PCNX1: variants seen among roughly 807,000 people sequenced by gnomAD.
PCNX1 encodes pecanex-like protein 1.
PCNX1 carries 78 observed loss-of-function variants against 242.2 expected under a neutral mutation model. The ratio of observed to expected loss-of-function variants is 0.32; its 90% confidence interval spans 0.27 to 0.39. The LOEUF is 0.39. PCNX1 is among the 10% of genes least tolerant of loss of function. The pLI is 1.00. For missense variants in PCNX1, 2,581 were observed against 2,856.5 expected (o/e 0.90, Z 2.20); for synonymous variants, 1,024 against 1,032.9 (o/e 0.99, Z 0.17).
chr14:71,004,940 CTT>C (rs1256441578), intron 8 of PCNX1, among the ~76,000 whole-genome samples: 2 of 152,152 alleles, frequency 1.3e-5, no homozygotes, highest in East Asian at 1.9e-4. Flanking sequence ...ATATATCTCT[CTT>C]TGTTTTTATA....
chr14:70,912,044 G>A (rs1294027164), intron 1 of PCNX1, among the ~76,000 whole-genome samples: 1 of 152,022 alleles, frequency 6.6e-6, no homozygotes, highest in African/African-American at 2.4e-5. Context: ...GACCATCCTG[G>A]CTAACACGGT....
intron 4 of PCNX1, 37 bp from the exon 5 acceptor site, chr14:70,968,984 A>C: frequency 8.5e-7 from 1 of 1,171,410 alleles, no homozygotes; most frequent in Non-Finnish European, 1.3e-6. Flanking sequence ...CCTTACTGTT[A>C]ATATAAGGTC....
chr14:71,092,065 C>T (rs768722344), intron 30 of PCNX1, among the ~76,000 whole-genome samples: 4 of 152,066 alleles, frequency 2.6e-5, no homozygotes, highest in Admixed American at 6.6e-5. Flanking sequence ...AAGGGCCCCA[C>T]GAAACAGAGA....
chr14:70,979,883 A>T (rs2058786972), intron 6 of PCNX1, among the ~76,000 whole-genome samples: 1 of 151,980 alleles, frequency 6.6e-6, no homozygotes, highest in African/African-American at 2.4e-5. Flanking sequence ...AGAACTAATT[A>T]TATCTGAAGT....
chr14:71,013,236 G>C, intron 11 of PCNX1, 34 bp downstream of exon 11: 1 of 1,447,530 alleles, frequency 6.9e-7, no homozygotes, highest in Non-Finnish European at 9.7e-7. Flanking sequence ...TGATACGTGT[G>C]GATTTTATTT....
At position 71,033,396 on chromosome 14, in the gene PCNX1, G is replaced by A. The variant is rs775910887; in HGVS notation, c.3559-33G>A. 13 of 1,016,166 alleles carry A rather than the reference G, an allele frequency of 1.3e-5. No individual in the cohort carries two copies. In the Admixed American group the frequency reaches 2.2e-4, roughly 17 times the overall value. The allele number at this position is 1,016,166 out of a possible 1,614,324, so 62.9% of individuals were successfully genotyped here. A position where few individuals can be genotyped will look rare whatever the true frequency, so the allele number is the denominator to read the frequency against. The stretch of plus-strand genomic sequence containing the variant: ...TTATGTGATATATTACAAATTAGAA[G>A]CATATTATTCTGTTAAATTCATTTT... On this transcript the variant is annotated intron_variant, in intron 16 of 35. Transcript: ENST00000304743.
intron 1 of PCNX1, among the ~76,000 whole-genome samples, chr14:70,925,568 CTTTTTTTTT>C (rs71305848): frequency 2.8e-5 from 3 of 106,954 alleles, no homozygotes; most frequent in Non-Finnish European, 5.6e-5. Flanking sequence ...CTTACCTCAT[CTTTTTTTTT>C]TTTTTTTTTT....
chr14:71,023,353 T>C (rs1228696690), intron 13 of PCNX1, 121 bp downstream of exon 13: 2 of 709,736 alleles, frequency 2.8e-6, no homozygotes, highest in African/African-American at 3.5e-5. Context: ...AAATTTATGT[T>C]ATTATTTTCC....
intron 1 of PCNX1, among the ~76,000 whole-genome samples, chr14:70,920,777 G>A (rs996014503): frequency 6.6e-6 from 1 of 152,164 alleles, no homozygotes; most frequent in Non-Finnish European, 1.5e-5. Context: ...CTAATGCCTT[G>A]TGTGTCATAA....
At chr14:70,969,685 A>G (rs2058482788) in intron 5 of PCNX1, among the ~76,000 whole-genome samples, 1 of 152,142 alleles carries the variant, frequency 6.6e-6, no homozygotes. Context: ...AAAACTGAAA[A>G]GACCTTTACA....
chr14:71,102,005 C>T lies in PCNX1; in HGVS notation c.5605C>T (p.Pro1869Ser), dbSNP rs1298206954. Residue 1869 changes from proline to serine, a missense_variant, in exon 31 of 36, where the codon CCA becomes TCA. Coordinates refer to ENST00000304743, the MANE Select transcript of PCNX1 (RefSeq NM_014982.3). ...TTGTATTTAGGATCATTTTACTTCT[C>T]CAGATGAATATGATGACCCTACTGT... ...IKLHQDHFTS[P>S]DEYDDPTVLY... The T allele has an allele frequency of 6.3e-7, 1 of 1,585,912 alleles. No homozygotes were observed. The highest frequency in any genetic ancestry group is 8.6e-7 in the Non-Finnish European group (1 of 1,161,104).
chr14:71,025,711 C>T (rs999560955), intron 13 of PCNX1, among the ~76,000 whole-genome samples: 1 of 151,952 alleles, frequency 6.6e-6, no homozygotes, highest in African/African-American at 2.4e-5. Context: ...AACTCCATCT[C>T]TAAAAAAATT....
chr14:70,949,414 T>C (rs1340951618), intron 2 of PCNX1, among the ~76,000 whole-genome samples: 1 of 151,480 alleles, frequency 6.6e-6, no homozygotes, highest in Non-Finnish European at 1.5e-5. Context: ...TACATATATA[T>C]GTACATATAT....
At chr14:71,042,839 GT>G (rs931109541) in intron 19 of PCNX1, among the ~76,000 whole-genome samples, 1 of 151,586 alleles carries the variant, frequency 6.6e-6, no homozygotes, top group Non-Finnish European at 1.5e-5. Context: ...AATTTGATTG[GT>G]TTTTTGTAGT....
chr14:71,021,559 T>C lies in PCNX1; in HGVS notation c.3151-1641T>C, dbSNP rs2060101702. Among the ~76,000 whole-genome samples, 3 of 152,166 alleles carry C rather than the reference T, an allele frequency of 2.0e-5. No homozygotes were observed. The South Asian group carries it at 6.2e-4, about 32-fold the overall frequency. The stretch of plus-strand genomic sequence containing the variant: ...TCTCTTCTCCATTTATAGCTAGACA[T>C]GTGGAGTAAGCCACCTAGGTCATCT... On this transcript the variant is annotated intron_variant, in intron 12 of 35. Coordinates refer to ENST00000304743, the MANE Select transcript of PCNX1 (RefSeq NM_014982.3).
chr14:71,064,529 G>C (rs8008111), intron 26 of PCNX1, among the ~76,000 whole-genome samples: 84,367 of 151,952 alleles, frequency 0.56, 24,718 homozygotes, highest in East Asian at 0.73. Context: ...GTGTTATTTC[G>C]TCATTTAAAA....
At position 70,984,497 on chromosome 14, in the gene PCNX1, C is replaced by A. The variant is rs187117689; in HGVS notation, c.2312-4070C>A. Among the ~76,000 whole-genome samples the A allele has an allele frequency of 1.7e-3, 256 of 151,302 alleles. 11 individuals carry two copies. The highest frequency in any genetic ancestry group is 2.7e-3 in the Non-Finnish European group (179 of 67,510). ...CACCTTCTGAGTTCACGCCATTCTC[C>A]TGCCTCAGCCTCCCGAGTAGCTGGG... On this transcript the variant is annotated intron_variant, in intron 6 of 35. Coordinates refer to ENST00000304743, the MANE Select transcript of PCNX1 (RefSeq NM_014982.3).
intron 1 of PCNX1, among the ~76,000 whole-genome samples, chr14:70,910,038 C>T (rs1594861576): frequency 2.8e-5 from 2 of 70,668 alleles, no homozygotes; most frequent in Non-Finnish European, 5.9e-5. Flanking sequence ...CCTCCCTCCT[C>T]CTCCTCCTCC....
At chr14:70,922,601 A>G (rs1481092296) in intron 1 of PCNX1, among the ~76,000 whole-genome samples, 2 of 152,106 alleles carry the variant, frequency 1.3e-5, no homozygotes, top group Non-Finnish European at 2.9e-5. Flanking sequence ...ACAAACATAT[A>G]TTCATATATG....
Sources: allele counts gnomAD v4.1 joint callset (sites outside exome capture counted in the v4.1 genomes callset), GRCh38; gene constraint gnomAD v4.1.1; transcripts MANE v1.5; gene names NCBI Gene and HGNC (gene_info 2026-07-23, HGNC 2026-07-21).